RNF144A: variants seen among roughly 807,000 people sequenced by gnomAD.
The protein encoded by RNF144A is E3 ubiquitin-protein ligase RNF144A.
RNF144A carries 11 observed loss-of-function variants against 38.7 expected under a neutral mutation model. The observed-to-expected ratio is 0.28, with a 90% CI of 0.18 to 0.47. The LOEUF is 0.47. RNF144A is among the 20% of genes least tolerant of loss of function. RNF144A has a pLI of 0.99. For synonymous variants in RNF144A, 149 were observed against 143.9 expected, an observed-to-expected ratio of 1.04 and a Z score of -0.25; for missense variants, 316 against 377.2, an observed-to-expected ratio of 0.84 and a Z score of 1.34.
chr2:7,067,771 A>T (rs546314294), intron 6 of RNF144A, among the ~76,000 whole-genome samples: 3 of 152,280 alleles, frequency 2.0e-5, no homozygotes, highest in Non-Finnish European at 4.4e-5. Context: ...AGCTTCTCCT[A>T]TGTCTACCTG....
intron 2 of RNF144A, among the ~76,000 whole-genome samples, chr2:6,974,950 G>A (rs1668219447): frequency 6.6e-6 from 1 of 152,158 alleles, no homozygotes; most frequent in Non-Finnish European, 1.5e-5. Context: ...AGGCATGATT[G>A]CTTGGTTATA....
chr2:6,991,394 A>G (rs865927472), intron 2 of RNF144A, among the ~76,000 whole-genome samples: 5 of 152,306 alleles, frequency 3.3e-5, no homozygotes, highest in South Asian at 2.1e-4. Context: ...ATGAAGATGT[A>G]GCTTTTCCCA....
intron 7 of RNF144A, among the ~76,000 whole-genome samples, chr2:7,025,119 G>A (rs1671797898): frequency 6.6e-6 from 1 of 152,152 alleles, no homozygotes; most frequent in African/African-American, 2.4e-5. Flanking sequence ...GTCTCATACG[G>A]CAGCCTTCTC....
chr2:7,007,480 C>T (rs965196662), intron 3 of RNF144A, among the ~76,000 whole-genome samples: 16 of 152,192 alleles, frequency 1.1e-4, no homozygotes, highest in Non-Finnish European at 1.5e-5. Context: ...GTCTTAAATT[C>T]GCACACACTC....
intron 2 of RNF144A, among the ~76,000 whole-genome samples, chr2:6,982,639 G>A (rs1388882753): frequency 6.6e-6 from 1 of 152,194 alleles, no homozygotes; most frequent in African/African-American, 2.4e-5. Context: ...CGGCTGTGGG[G>A]TAAAAGGAAG....
chr2:6,989,977 C>T (rs73141632), intron 2 of RNF144A, among the ~76,000 whole-genome samples: 29,879 of 152,066 alleles, frequency 0.2, 3,020 homozygotes, highest in East Asian at 0.21. Context: ...CACGTACACA[C>T]AATTAGCTAT....
chr2:7,042,257 A>G lies in RNF144A; in HGVS notation c.*2497A>G, dbSNP rs1673090255. 1 of 985,452 alleles carries G rather than the reference A, an allele frequency of 1.0e-6. No individual in the cohort carries two copies. Among genetic ancestry groups the G allele is most frequent in the South Asian group, 4.7e-5 (1 of 21,294 alleles). The allele number at this position is 985,452 out of a possible 1,614,324, so 61.0% of individuals were successfully genotyped here. On this transcript the variant is annotated 3_prime_UTR_variant, in exon 9 of 9. Coordinates refer to ENST00000320892, the MANE Select transcript of RNF144A (RefSeq NM_014746.6). ...GAACCCTGCTTGATGTAAAATGGAA[A>G]TAGCACACAGGCAGATGGCCCTGGG... is the stretch of plus-strand genomic sequence containing the variant.
intron 6 of RNF144A, among the ~76,000 whole-genome samples, 197 bp from the exon 7 acceptor site, chr2:7,024,172 C>A (rs1335064990): frequency 6.6e-6 from 1 of 151,592 alleles, no homozygotes; most frequent in African/African-American, 2.4e-5. Flanking sequence ...CTCAAAGTGG[C>A]TGATTCACAG....
intron 8 of RNF144A, 42 bp downstream of exon 8, chr2:7,030,257 CTGTGTGTGTGTGTGTGTGTGTG>C (rs58324246): frequency 7.4e-5 from 54 of 725,028 alleles, no homozygotes; most frequent in East Asian, 4.9e-4. Context: ...CAGAGAGAGA[CTGTGTGTGTGTGTGTGTGTGTG>C]TGTGTGTGTG....
At chr2:6,918,187 G>C (rs1664265248) in intron 1 of RNF144A, 1 of 152,290 alleles carries the variant, frequency 6.6e-6, no homozygotes, top group South Asian at 2.1e-4. Context: ...CTGCGCGCGG[G>C]GTCCGCGGCT....
chr2:6,989,173 G>T (rs1201632860), intron 2 of RNF144A, among the ~76,000 whole-genome samples: 2 of 152,180 alleles, frequency 1.3e-5, no homozygotes, highest in Non-Finnish European at 2.9e-5. Flanking sequence ...ACATATGTAT[G>T]TACACTAACC....
chr2:7,022,433 C>A (rs1342492408), intron 6 of RNF144A, among the ~76,000 whole-genome samples: 2 of 152,148 alleles, frequency 1.3e-5, no homozygotes, highest in Middle Eastern at 3.2e-3. Context: ...ATTTTAAATC[C>A]AATTCAGATA....
At chr2:7,065,666 A>T (rs1674183591) in intron 6 of RNF144A, among the ~76,000 whole-genome samples, 2 of 152,262 alleles carry the variant, frequency 1.3e-5, no homozygotes, top group Non-Finnish European at 2.9e-5. Flanking sequence ...CATAATTATC[A>T]TAATGAACTC....
At chr2:7,016,390 C>T (rs887191090) in intron 5 of RNF144A, among the ~76,000 whole-genome samples, 2 of 152,146 alleles carry the variant, frequency 1.3e-5, no homozygotes, top group African/African-American at 2.4e-5. Flanking sequence ...CTGTTGTTTG[C>T]GTTACAAGAA....
At chr2:6,919,858 C>T (rs1664419261) in intron 1 of RNF144A, among the ~76,000 whole-genome samples, 2 of 152,196 alleles carry the variant, frequency 1.3e-5, no homozygotes, top group South Asian at 2.1e-4. Context: ...CTCAAATGCA[C>T]GATGCAGGCA....
chr2:7,036,794 C>T (rs530734677), intron 8 of RNF144A, among the ~76,000 whole-genome samples: 1 of 152,230 alleles, frequency 6.6e-6, no homozygotes, highest in African/African-American at 2.4e-5. Context: ...CTTAGTTTTC[C>T]AAGCCCTTGA....
intron 6 of RNF144A, among the ~76,000 whole-genome samples, chr2:7,052,554 T>C (rs1673573396): frequency 6.6e-6 from 1 of 152,144 alleles, no homozygotes; most frequent in Non-Finnish European, 1.5e-5. Flanking sequence ...CGAGGGGTCA[T>C]TATTTTAAGA....
chr2:7,030,293 GTGTGTGTGTGTGTA>G (rs1334618607), intron 8 of RNF144A, 78 bp downstream of exon 8: 4 of 879,740 alleles, frequency 4.5e-6, no homozygotes, highest in East Asian at 2.9e-5. Context: ...GTGTGTGTGT[GTGTGTGTGTGTGTA>G]TGTATATCTT....
intron 6 of RNF144A, among the ~76,000 whole-genome samples, chr2:7,057,285 A>G (rs775881925): frequency 1.3e-5 from 2 of 152,218 alleles, no homozygotes; most frequent in Non-Finnish European, 2.9e-5. Context: ...GCCCAGCTCT[A>G]TTGCAGCACC....
Sources: allele counts gnomAD v4.1 joint callset (sites outside exome capture counted in the v4.1 genomes callset), GRCh38; gene constraint gnomAD v4.1.1; transcripts MANE v1.5; gene names NCBI Gene and HGNC (gene_info 2026-07-23, HGNC 2026-07-21).